ADAM12: variants seen among roughly 807,000 people sequenced by gnomAD.
The protein encoded by ADAM12 is ADAM metallopeptidase domain 12.
A neutral mutation model predicts 106.4 loss-of-function variants in ADAM12; 70 were observed. That is an observed-to-expected ratio of 0.66 (90% confidence interval 0.54 to 0.80). ADAM12 has a LOEUF of 0.80. Ranked by LOEUF, ADAM12 falls within the 30% of genes least tolerant of loss-of-function variation. The pLI, the probability that ADAM12 is intolerant of heterozygous loss-of-function variation, is 0.00. For synonymous variants in ADAM12, 420 were observed against 433.5 expected (o/e 0.97, Z 0.39); for missense variants, 1,010 against 1,171.9 (o/e 0.86, Z 2.02).
In ADAM12 at chr10:126,064,868, C is replaced by A; in HGVS notation, c.1547G>T (p.Gly516Val). ...HDGHSCQDVD[G>V]YCYNGICQTH... Reference sequence around the variant, plus strand: ...CTGGCAGATGCCATTGTAGCAGTAGCCGTCCACATCCTGACATGAGTGCCC... The same window carrying A: ...CTGGCAGATGCCATTGTAGCAGTAGACGTCCACATCCTGACATGAGTGCCC... Residue 516 changes from glycine (G) to valine (V), a missense_variant, in exon 14 of 23, where the codon GGC becomes GTC. Gly to Val is a moderately radical substitution (Grantham distance 109, BLOSUM62 -3). Coordinates refer to ENST00000448723, the MANE Select transcript of ADAM12 (RefSeq NM_001288973.2). This position sits in a 1 kb window ranked among gnomAD's most constrained non-coding sequence, Gnocchi z 4.4. 1 of 1,612,510 alleles carries A rather than the reference C, an allele frequency of 6.2e-7. No individual in the cohort carries two copies. Among genetic ancestry groups the A allele is most frequent in the African/African-American group, 1.3e-5 (1 of 74,988 alleles).
chr10:126,343,488 T>C (rs903357084), intron 1 of ADAM12, among the ~76,000 whole-genome samples: 1 of 152,232 alleles, frequency 6.6e-6, no homozygotes, highest in Admixed American at 6.5e-5. Context: ...GCAATAAACA[T>C]ACATATGCAT....
At chr10:126,033,699 TACTTTCTATC>T (rs71486572) in intron 21 of ADAM12, among the ~76,000 whole-genome samples, 35,143 of 152,016 alleles carry the variant, frequency 0.23, 4,733 homozygotes, top group East Asian at 0.42. Context: ...GGCAGATCTC[TACTTTCTATC>T]ACTTCTTGCA....
intron 1 of ADAM12, among the ~76,000 whole-genome samples, 193 bp downstream of exon 1, chr10:126,387,865 G>A (rs1413362977): frequency 1.5e-5 from 2 of 137,888 alleles, no homozygotes; most frequent in African/African-American, 5.5e-5. Flanking sequence ...GCCAAGTGTC[G>A]CCCTTCCCCA....
chr10:126,387,893 G>GT (rs975596457), intron 1 of ADAM12, among the ~76,000 whole-genome samples, 165 bp downstream of exon 1: 4 of 131,864 alleles, frequency 3.0e-5, no homozygotes, highest in Non-Finnish European at 3.5e-5. Flanking sequence ...GGCACCTGGG[G>GT]GGGGGGGGTC....
chr10:126,224,093 G>A (rs955867182), intron 3 of ADAM12, among the ~76,000 whole-genome samples: 2 of 151,886 alleles, frequency 1.3e-5, no homozygotes, highest in African/African-American at 2.4e-5. Flanking sequence ...CTCCTGGGGA[G>A]GGGGCCTGGG....
intron 12 of ADAM12, among the ~76,000 whole-genome samples, chr10:126,069,829 T>A (rs950444598): frequency 1.1e-4 from 17 of 151,802 alleles, no homozygotes; most frequent in Admixed American, 7.9e-4. Flanking sequence ...GAAATGGTGA[T>A]GATGTTGGGT....
chr10:126,344,404 CA>C (rs1855056954), intron 1 of ADAM12, among the ~76,000 whole-genome samples: 1 of 152,106 alleles, frequency 6.6e-6, no homozygotes, highest in Non-Finnish European at 1.5e-5. Flanking sequence ...GTACCAGTAC[CA>C]TGCTGTTTTG....
intron 1 of ADAM12, among the ~76,000 whole-genome samples, chr10:126,381,929 T>A (rs1459542609): frequency 1.3e-5 from 2 of 151,062 alleles, no homozygotes; most frequent in African/African-American, 4.9e-5. Flanking sequence ...GAGCTATGAT[T>A]GCACCACTGT....
At chr10:126,152,171 ACTTTT>A (rs1378669657) in intron 4 of ADAM12, among the ~76,000 whole-genome samples, 1 of 152,014 alleles carries the variant, frequency 6.6e-6, no homozygotes, top group Non-Finnish European at 1.5e-5. Context: ...ACATCTAGAG[ACTTTT>A]CTTTTGAGGA....
At chr10:126,121,798 A>C (rs1407344526) in intron 5 of ADAM12, among the ~76,000 whole-genome samples, 1 of 152,048 alleles carries the variant, frequency 6.6e-6, no homozygotes, top group African/African-American at 2.4e-5. Flanking sequence ...ACAACTCTTA[A>C]ATTTTAATAG....
intron 2 of ADAM12, among the ~76,000 whole-genome samples, chr10:126,300,720 C>A (rs1414453517): frequency 6.6e-6 from 1 of 152,090 alleles, no homozygotes; most frequent in Non-Finnish European, 1.5e-5. Flanking sequence ...CCTGACCCTA[C>A]TGGAGAATAA....
intron 10 of ADAM12, among the ~76,000 whole-genome samples, chr10:126,096,763 G>A (rs2133569489): frequency 6.6e-6 from 1 of 152,326 alleles, no homozygotes; most frequent in African/African-American, 2.4e-5. Context: ...TGATGTTTCT[G>A]TTATATGTGG....
At chr10:126,364,369 A>T (rs1360956910) in intron 1 of ADAM12, among the ~76,000 whole-genome samples, 5 of 152,158 alleles carry the variant, frequency 3.3e-5, no homozygotes. Flanking sequence ...TAAATGTTAG[A>T]AAAGAAAAGT....
chr10:126,334,701 GCCC>G (rs1245776997), intron 1 of ADAM12, among the ~76,000 whole-genome samples: 1 of 152,158 alleles, frequency 6.6e-6, no homozygotes, highest in Non-Finnish European at 1.5e-5. Flanking sequence ...CATGAGTCCT[GCCC>G]CATCCTTGCT....
At chr10:126,335,890 C>T (rs964379051) in intron 1 of ADAM12, among the ~76,000 whole-genome samples, 4 of 152,058 alleles carry the variant, frequency 2.6e-5, no homozygotes, top group Admixed American at 1.3e-4. Context: ...CCACAGCCCC[C>T]GTCTAATCAT....
intron 3 of ADAM12, among the ~76,000 whole-genome samples, chr10:126,184,471 G>C (rs1957365518): frequency 1.3e-5 from 2 of 152,146 alleles, no homozygotes; most frequent in African/African-American, 4.8e-5. Flanking sequence ...ACCTTCATTA[G>C]TACATTAGTC....
At chr10:126,164,073 CAT>C (rs1448791705) in intron 3 of ADAM12, among the ~76,000 whole-genome samples, 3 of 152,118 alleles carry the variant, frequency 2.0e-5, no homozygotes, top group Non-Finnish European at 1.5e-5. Flanking sequence ...ATGCTGACAA[CAT>C]GTTATCAATT....
intron 13 of ADAM12, among the ~76,000 whole-genome samples, chr10:126,065,204 G>A (rs1954842817): frequency 6.6e-6 from 1 of 152,188 alleles, no homozygotes; most frequent in South Asian, 2.1e-4. Context: ...TCTAAAGTGG[G>A]TGGGACAACC....
At chr10:126,144,283 G>A (rs1956583426) in intron 4 of ADAM12, among the ~76,000 whole-genome samples, 1 of 152,212 alleles carries the variant, frequency 6.6e-6, no homozygotes, top group South Asian at 2.1e-4. Flanking sequence ...TTTTTAATCT[G>A]TATAATGGGA....
Sources: allele counts gnomAD v4.1 joint callset (sites outside exome capture counted in the v4.1 genomes callset), GRCh38; gene constraint gnomAD v4.1.1; non-coding constraint Gnocchi (gnomAD v3.1); transcripts MANE v1.5; gene names NCBI Gene and HGNC (gene_info 2026-07-23, HGNC 2026-07-21).